The following ADGRF4 variants were observed in gnomAD, a reference collection of about 807,000 sequenced individuals.
ADGRF4 encodes the protein adhesion G protein-coupled receptor F4.
ADGRF4 carries 63 observed loss-of-function variants against 58.5 expected under a neutral mutation model. That is an observed-to-expected ratio of 1.08 (90% CI 0.88 to 1.33). ADGRF4 has a LOEUF of 1.33. Ranked by LOEUF, ADGRF4 falls within the 40% of genes most tolerant of loss-of-function variation. The pLI, the probability that ADGRF4 is intolerant of heterozygous loss-of-function variation, is 0.00. For missense variants in ADGRF4, 931 were observed against 843.9 expected, an observed-to-expected ratio of 1.10 and a Z score of -1.28; for synonymous variants, 313 against 295.4, an observed-to-expected ratio of 1.06 and a Z score of -0.61.
At chr6:47,716,193 T>C (rs1354788156) in intron 6 of ADGRF4, among the ~76,000 whole-genome samples, 1 of 152,118 alleles carries the variant, frequency 6.6e-6, no homozygotes, top group African/African-American at 2.4e-5. Flanking sequence ...GTTATATACA[T>C]TTCTCCTTTC....
At chr6:47,710,565 T>C (rs1457626588) in intron 3 of ADGRF4, among the ~76,000 whole-genome samples, 170 bp from the exon 4 acceptor site, 1 of 152,216 alleles carries the variant, frequency 6.6e-6, no homozygotes, top group Non-Finnish European at 1.5e-5. Context: ...GGATACCAGC[T>C]GCACAATCTA....
intron 1 of ADGRF4, among the ~76,000 whole-genome samples, chr6:47,706,715 C>A (rs1167781068): frequency 2.0e-5 from 3 of 152,200 alleles, no homozygotes; most frequent in Non-Finnish European, 4.4e-5. Flanking sequence ...GAATGGCTGT[C>A]CAGCTGGATC....
At chr6:47,702,572 T>C (rs1771614542) in intron 1 of ADGRF4, among the ~76,000 whole-genome samples, 1 of 152,238 alleles carries the variant, frequency 6.6e-6, no homozygotes, top group South Asian at 2.1e-4. Flanking sequence ...ATAATATGCA[T>C]CAACCTCAAA....
At chr6:47,710,961 G>T (rs1771847949) in intron 4 of ADGRF4, 75 bp downstream of exon 4, 4 of 1,357,470 alleles carry the variant, frequency 2.9e-6, no homozygotes. Flanking sequence ...AATGTGATCT[G>T]TTCAGCATGA....
chr6:47,704,550 AG>A (rs1264248480), intron 1 of ADGRF4, among the ~76,000 whole-genome samples: 1 of 152,042 alleles, frequency 6.6e-6, no homozygotes, highest in Middle Eastern at 3.2e-3. Flanking sequence ...AAAGGATTAA[AG>A]TGATCACTTT....
At chr6:47,702,360 G>A (rs1357728413) in intron 1 of ADGRF4, among the ~76,000 whole-genome samples, 1 of 152,160 alleles carries the variant, frequency 6.6e-6, no homozygotes, top group Non-Finnish European at 1.5e-5. Context: ...AGAAACCCAT[G>A]TGAGGACACA....
chr6:47,719,098 A>G (rs1383423035), intron 9 of ADGRF4, among the ~76,000 whole-genome samples: 1 of 152,200 alleles, frequency 6.6e-6, no homozygotes, highest in Non-Finnish European at 1.5e-5. Context: ...TTCAAACAAA[A>G]TACCATTTGG....
chr6:47,711,901 G>A (rs200419012), intron 4 of ADGRF4, among the ~76,000 whole-genome samples: 1 of 29,336 alleles, frequency 3.4e-5, no homozygotes, highest in East Asian at 3.9e-4. Flanking sequence ...TTTATACAAA[G>A]CACATTCTGA....
At position 47,714,755 on chromosome 6, in the gene ADGRF4, G is replaced by T; in HGVS notation, c.1510G>T (p.Val504Phe). The T allele has an allele frequency of 6.2e-7, 1 of 1,613,824 alleles. No individual in the cohort carries two copies. The highest frequency in any genetic ancestry group is 8.5e-7 in the Non-Finnish European group (1 of 1,179,794). ...ATTGCTCATCATTTATGGAATATTG[G>T]TCATTTTCCGTAGGATGATGAAGTC... ...KALLIIYGIL[V>F]IFRRMMKSRM... The change falls in exon 6 of 10, where the codon GTC (valine) becomes TTC (phenylalanine). Residue 504 changes from valine (V) to phenylalanine (F), a missense_variant. By Grantham distance (50) the Val-to-Phe change is conservative (BLOSUM62 -1). Transcript: ENST00000283303.
At chr6:47,719,050 C>T (rs374933068) in intron 9 of ADGRF4, among the ~76,000 whole-genome samples, 89 of 152,264 alleles carry the variant, frequency 5.8e-4, no homozygotes, top group African/African-American at 2.0e-3. Context: ...GGAGAGGTTT[C>T]GTGGCCTTTC....
chr6:47,709,848 A>G (rs1439183730), intron 3 of ADGRF4, among the ~76,000 whole-genome samples: 1 of 81,450 alleles, frequency 1.2e-5, no homozygotes, highest in Non-Finnish European at 3.0e-5. Context: ...GTAGCATCAC[A>G]GTTTTTTTTT....
chr6:47,703,093 A>G (rs957053027), intron 1 of ADGRF4, among the ~76,000 whole-genome samples: 1 of 152,148 alleles, frequency 6.6e-6, no homozygotes, highest in African/African-American at 2.4e-5. Flanking sequence ...ACCACTCACT[A>G]CATATAGACA....
At position 47,710,759 on chromosome 6, in the gene ADGRF4, C is replaced by G. The variant is rs756979950; in HGVS notation, c.173C>G (p.Ser58Cys). 2 of 1,606,618 alleles carry G rather than the reference C, an allele frequency of 1.2e-6. No homozygotes were observed. The highest frequency in any genetic ancestry group is 2.7e-5 in the African/African-American group (2 of 74,360). The change falls in exon 4 of 10, where the codon TCT becomes TGT. Residue 58 changes from serine to cysteine, a missense_variant. Physicochemically the swap from Ser to Cys is moderately radical, Grantham distance 112 (BLOSUM62 -1). Coordinates refer to ENST00000283303, the MANE Select transcript of ADGRF4 (RefSeq NM_153838.5). ...GAGAAATGCGAAGGACCTTGTATTT[C>G]TTCTTCCAACTGCAGCCAGCCCTGT... is the stretch of plus-strand genomic sequence containing the variant. ...IQEKCEGPCI[S>C]SSNCSQPCAK...
At chr6:47,700,318 C>T (rs555004366) in intron 1 of ADGRF4, among the ~76,000 whole-genome samples, 25 of 152,270 alleles carry the variant, frequency 1.6e-4, no homozygotes, top group Non-Finnish European at 2.1e-4. Context: ...CGTGTTCAGA[C>T]GGGTAGGGAG....
intron 1 of ADGRF4, among the ~76,000 whole-genome samples, chr6:47,702,410 G>T (rs1771611267): frequency 6.6e-6 from 1 of 152,136 alleles, no homozygotes; most frequent in Non-Finnish European, 1.5e-5. Context: ...AGCCTCCGTT[G>T]TTTGCCTACT....
intron 1 of ADGRF4, among the ~76,000 whole-genome samples, chr6:47,705,949 T>C (rs576727768): frequency 6.6e-6 from 1 of 152,242 alleles, no homozygotes; most frequent in South Asian, 2.1e-4. Flanking sequence ...TTCTGTATGC[T>C]GAGCATCTGG....
intron 9 of ADGRF4, among the ~76,000 whole-genome samples, chr6:47,720,456 A>G (rs78042694): frequency 2.0e-5 from 3 of 152,084 alleles, no homozygotes; most frequent in Middle Eastern, 3.2e-3. Flanking sequence ...GTTGGGGGAC[A>G]CTCCTCATAT....
chr6:47,710,693 T>C (rs372936850), intron 3 of ADGRF4, 42 bp from the exon 4 acceptor site: 45 of 1,538,862 alleles, frequency 2.9e-5, no homozygotes, highest in Admixed American at 1.3e-4. Flanking sequence ...GAAATCCTAA[T>C]TGGGCTCCTG....
intron 3 of ADGRF4, among the ~76,000 whole-genome samples, chr6:47,710,476 C>A (rs1473627211): frequency 6.6e-6 from 1 of 152,158 alleles, no homozygotes. Flanking sequence ...CATCTCTTGC[C>A]ACTCCCCCTT....
Sources: allele counts gnomAD v4.1 joint callset (sites outside exome capture counted in the v4.1 genomes callset), GRCh38; gene constraint gnomAD v4.1.1; transcripts MANE v1.5; gene names NCBI Gene and HGNC (gene_info 2026-07-23, HGNC 2026-07-21).